Variants in DPH6 observed in about 807,000 individuals in gnomAD.
DPH6 encodes the protein diphthamine biosynthesis 6.
Under a neutral mutation model 38.2 loss-of-function variants are expected in DPH6, and 33 were observed. The observed-to-expected ratio is 0.86, with a 90% CI of 0.65 to 1.15. The LOEUF is 1.15. Ranked by LOEUF, DPH6 falls within the 50% of genes most tolerant of loss-of-function variation. DPH6 has a pLI of 0.00. For missense variants in DPH6, 325 were observed against 320.0 expected (o/e 1.02, Z -0.12); for synonymous variants, 108 against 103.0 (o/e 1.05, Z -0.30).
At chr15:35,390,447 G>A (rs1403037491) in intron 6 of DPH6, among the ~76,000 whole-genome samples, 2 of 152,130 alleles carry the variant, frequency 1.3e-5, no homozygotes, top group South Asian at 4.1e-4. Flanking sequence ...TTTCCAATTT[G>A]GTTCCATTCT....
At chr15:35,401,256 T>C (rs2053215267) in intron 6 of DPH6, 5 of 1,009,524 alleles carry the variant, frequency 5.0e-6, no homozygotes, top group Non-Finnish European at 7.8e-6. Flanking sequence ...CTGGAAACTT[T>C]GGTGGTGGTT....
chr15:35,229,558 C>T (rs976695017), intron 3 of DPH6, among the ~76,000 whole-genome samples: 2 of 151,988 alleles, frequency 1.3e-5, no homozygotes, highest in East Asian at 3.9e-4. Flanking sequence ...TTTTATTTAG[C>T]TCATTTGGTG....
At chr15:35,147,067 T>C in the DPH6 span, among the ~76,000 whole-genome samples, 1 of 152,228 alleles carries the variant, frequency 6.6e-6, no homozygotes, top group African/African-American at 2.4e-5. Context: ...GAGCTCATTA[T>C]TGCCATCAAG....
At position 35,404,993 on chromosome 15, in the gene DPH6, A is replaced by G. The variant is rs928629506; in HGVS notation, c.567+5842T>C. 3.3e-5 allele frequency among the ~76,000 whole-genome samples: 5 copies of G among 152,012 alleles called. 1 individual carries two copies. Among genetic ancestry groups the G allele is most frequent in the Admixed American group, 1.3e-4 (2 of 15,250 alleles). On this transcript the variant is annotated intron_variant, in intron 6 of 8. Transcript: ENST00000256538. ...TTATTGAAGAGATTGTTTTTCCCCAATGTATGTTCTTGGCATCTTTGTCAA... is the reference window on the plus strand; with the variant it reads ...TTATTGAAGAGATTGTTTTTCCCCAGTGTATGTTCTTGGCATCTTTGTCAA...
the DPH6 span, among the ~76,000 whole-genome samples, chr15:35,166,163 T>C: frequency 6.6e-6 from 1 of 151,936 alleles, no homozygotes; most frequent in Non-Finnish European, 1.5e-5. Flanking sequence ...AAGCAGGTTA[T>C]AAGCCTCTCA....
chr15:35,412,922 C>T (rs1401829977), intron 5 of DPH6, among the ~76,000 whole-genome samples: 1 of 151,760 alleles, frequency 6.6e-6, no homozygotes, highest in Admixed American at 6.6e-5. Context: ...TGTTATTATA[C>T]ATCTGTCGAA....
chr15:35,379,426 T>C (rs564634133), intron 7 of DPH6, among the ~76,000 whole-genome samples: 1 of 152,242 alleles, frequency 6.6e-6, no homozygotes, highest in African/African-American at 2.4e-5. Context: ...ATAAAATCTG[T>C]CCCCAAAATG....
At chr15:35,538,224 T>G (rs766712647) in intron 3 of DPH6, 50 bp downstream of exon 3, 3 of 1,345,890 alleles carry the variant, frequency 2.2e-6, no homozygotes, top group Non-Finnish European at 9.7e-7. Flanking sequence ...AAATGTAATT[T>G]GTTAAATTAC....
intron 5 of DPH6, among the ~76,000 whole-genome samples, chr15:35,427,142 T>C (rs1262833756): frequency 2.0e-5 from 3 of 151,870 alleles, no homozygotes; most frequent in Non-Finnish European, 4.4e-5. Flanking sequence ...GTTTAGAGGA[T>C]GTAAGAAGCA....
chr15:35,390,788 C>G (rs2053044196), intron 6 of DPH6, among the ~76,000 whole-genome samples: 1 of 152,160 alleles, frequency 6.6e-6, no homozygotes, highest in Non-Finnish European at 1.5e-5. Context: ...TTGGTTCGAA[C>G]TTCCTCCTTT....
At chr15:35,512,762 G>T (rs959481289) in intron 3 of DPH6, among the ~76,000 whole-genome samples, 2 of 151,902 alleles carry the variant, frequency 1.3e-5, no homozygotes, top group Non-Finnish European at 2.9e-5. Flanking sequence ...TATAAATAAT[G>T]AATTCAGAAG....
At position 35,364,995 on chromosome 15, in the gene DPH6, T is replaced by G. The variant is rs190325033; in HGVS notation, n.207+8526A>C. On this transcript the variant is annotated intron_variant and non_coding_transcript_variant, in intron 3 of 3. Coordinates refer to the DPH6 transcript ENST00000558973. The stretch of plus-strand genomic sequence containing the variant: ...TCTTCATGTTTCATTCTGAATATTT[T>G]CTTCTGACCTCTTTTCCAGTTCACT... Among the ~76,000 whole-genome samples the G allele has an allele frequency of 1.7e-3, 257 of 152,238 alleles. No individual in the cohort carries two copies. In the Middle Eastern group the frequency reaches 0.031, roughly 18 times the overall value.
the DPH6 span, among the ~76,000 whole-genome samples, chr15:35,167,606 C>T: frequency 0.016 from 2,291 of 147,778 alleles, 26 homozygotes; most frequent in Middle Eastern, 0.044. Flanking sequence ...AGTTGAAATA[C>T]CTGACCACCT....
At chr15:35,233,900 C>T (rs1277924849) in intron 3 of DPH6, among the ~76,000 whole-genome samples, 1 of 152,154 alleles carries the variant, frequency 6.6e-6, no homozygotes, top group African/African-American at 2.4e-5. Context: ...TCAAACATCA[C>T]CTTTCAGATA....
chr15:35,355,436 T>G (rs1288553123), intron 3 of DPH6, among the ~76,000 whole-genome samples: 1 of 152,230 alleles, frequency 6.6e-6, no homozygotes, highest in Non-Finnish European at 1.5e-5. Context: ...CTTGTTCCTT[T>G]CCATGTTTAG....
chr15:35,530,351 G>C (rs2055068230), intron 3 of DPH6, among the ~76,000 whole-genome samples: 1 of 151,942 alleles, frequency 6.6e-6, no homozygotes, highest in Admixed American at 6.6e-5. Context: ...CAGTCAACAG[G>C]ATACAGACAC....
At chr15:35,181,480 T>TA in the DPH6 span, among the ~76,000 whole-genome samples, 248 of 133,884 alleles carry the variant, frequency 1.9e-3, 4 homozygotes, top group South Asian at 6.4e-3. Context: ...TGCTTTTTAG[T>TA]AAAAAAAAAA....
chr15:35,191,725 A>T, the DPH6 span, among the ~76,000 whole-genome samples: 1 of 152,190 alleles, frequency 6.6e-6, no homozygotes, highest in African/African-American at 2.4e-5. Context: ...GTCTTGTCTG[A>T]GTTCCTTCCT....
At chr15:35,216,589 A>C (rs1424258768), downstream of DPH6, among the ~76,000 whole-genome samples, 4 of 152,252 alleles carry the variant, frequency 2.6e-5, no homozygotes, top group Admixed American at 2.6e-4. Context: ...TTACAGTTAC[A>C]TGTAGCATAA....
Sources: allele counts gnomAD v4.1 joint callset (sites outside exome capture counted in the v4.1 genomes callset), GRCh38; gene constraint gnomAD v4.1.1; transcripts MANE v1.5; gene names NCBI Gene and HGNC (gene_info 2026-07-23, HGNC 2026-07-21).